Variants in ANKRD27 observed in about 807,000 individuals in gnomAD.
The protein encoded by ANKRD27 is ankyrin repeat domain 27.
Under a neutral mutation model 129.7 loss-of-function variants are expected in ANKRD27, and 112 were observed. The ratio of observed to expected loss-of-function variants is 0.86; its 90% CI spans 0.74 to 1.01. The LOEUF (loss-of-function observed/expected upper bound fraction) is 1.01, where lower values mean the gene tolerates loss of function less well. ANKRD27 is among the 50% of genes least tolerant of loss of function. The probability of loss-of-function intolerance (pLI) is 0.00; values close to 1 mark genes in which losing one functional copy is unlikely to be tolerated. For synonymous variants in ANKRD27, 516 were observed against 511.2 expected, an observed-to-expected ratio of 1.01 and a Z score of -0.13; for missense variants, 1,258 against 1,300.5, an observed-to-expected ratio of 0.97 and a Z score of 0.50.
intron 3 of ANKRD27, among the ~76,000 whole-genome samples, chr19:32,648,711 A>G (rs1328824405): frequency 6.6e-6 from 1 of 151,868 alleles, no homozygotes; most frequent in Non-Finnish European, 1.5e-5. Flanking sequence ...GAGGCAGGAG[A>G]ATGGCGTGAA....
intron 22 of ANKRD27, among the ~76,000 whole-genome samples, chr19:32,610,483 T>TAAAA: frequency 9.3e-6 from 1 of 107,460 alleles, no homozygotes; most frequent in African/African-American, 3.7e-5. Flanking sequence ...AGACCGTCTC[T>TAAAA]AAAAAAAAAA....
chr19:32,626,615 AGGGGTGC>A, intron 16 of ANKRD27, 90 bp downstream of exon 16: 2 of 869,620 alleles, frequency 2.3e-6, no homozygotes, highest in Non-Finnish European at 3.5e-6. Context: ...ACCAGGAGAC[AGGGGTGC>A]AGGGTAGCCA....
At chr19:32,630,890 C>T (rs890603707) in intron 13 of ANKRD27, among the ~76,000 whole-genome samples, 1 of 152,160 alleles carries the variant, frequency 6.6e-6, no homozygotes, top group Admixed American at 6.6e-5. Context: ...CTTCGGCCTC[C>T]CAAAGTGCTG....
intron 2 of ANKRD27, among the ~76,000 whole-genome samples, chr19:32,651,049 G>A (rs1423006969): frequency 6.6e-6 from 1 of 151,922 alleles, no homozygotes; most frequent in Admixed American, 6.6e-5. Flanking sequence ...CTGGTCCATT[G>A]TATTATTCTT....
At chr19:32,631,712 G>A (rs1468047542) in intron 12 of ANKRD27, among the ~76,000 whole-genome samples, 1 of 152,238 alleles carries the variant, frequency 6.6e-6, no homozygotes, top group Non-Finnish European at 1.5e-5. Flanking sequence ...CCCTGTGGGG[G>A]ATGGGGATGG....
At chr19:32,617,755 T>TTA in intron 20 of ANKRD27, 122 bp from the exon 21 acceptor site, 2 of 281,994 alleles carry the variant, frequency 7.1e-6, no homozygotes, top group Non-Finnish European at 1.3e-5. Context: ...CTGATTTAGT[T>TTA]TTTTTTTTTT....
At chr19:32,609,905 G>C (rs1971808809) in intron 22 of ANKRD27, among the ~76,000 whole-genome samples, 2 of 152,082 alleles carry the variant, frequency 1.3e-5, no homozygotes, top group South Asian at 4.1e-4. Flanking sequence ...ACCGGGTGTG[G>C]TGGCTCACGC....
chr19:32,637,292 A>C (rs1041995972), intron 12 of ANKRD27: 6 of 152,154 alleles, frequency 3.9e-5, no homozygotes, highest in African/African-American at 1.2e-4. Context: ...AGATCTTTTC[A>C]TTTTATAGAT....
At chr19:32,619,827 C>T (rs1599743722) in intron 18 of ANKRD27, among the ~76,000 whole-genome samples, 1 of 152,128 alleles carries the variant, frequency 6.6e-6, no homozygotes, top group African/African-American at 2.4e-5. Context: ...CACGCATGGA[C>T]GCAAGGGATA....
In ANKRD27 at chr19:32,656,103, G is replaced by GAAAAGAAAAGAAAAGA. The variant is rs1555747135; in HGVS notation, c.102+2810_102+2811insTCTTTTCTTTTCTTTT. Among the ~76,000 whole-genome samples, 211 of 123,692 alleles carry GAAAAGAAAAGAAAAGA rather than the reference G, an allele frequency of 1.7e-3. 2 individuals carry two copies. The highest frequency in any genetic ancestry group is 6.3e-3 in the African/African-American group (186 of 29,568). The allele number at this position is 123,692 out of a possible 152,430, so 81.1% of individuals were successfully genotyped here. A position where few individuals can be genotyped will look rare whatever the true frequency, so the allele number is the denominator to read the frequency against. ...AGAAAGAAAGAAAGAAAGAAAGAAA[G>GAAAAGAAAAGAAAAGA]AAAGAAAAGAAAAGAAAAGAAAAGA... On this transcript the variant is annotated intron_variant, in intron 2 of 28. Transcript: ENST00000306065.
At chr19:32,661,358 A>G (rs752412987) in intron 1 of ANKRD27, among the ~76,000 whole-genome samples, 2 of 152,046 alleles carry the variant, frequency 1.3e-5, no homozygotes, top group Non-Finnish European at 2.9e-5. Context: ...AGGGTTTCAC[A>G]CTGTCGCCCA....
chr19:32,604,006 G>C (rs1021638103), intron 25 of ANKRD27, among the ~76,000 whole-genome samples: 6 of 151,742 alleles, frequency 4.0e-5, no homozygotes, highest in South Asian at 2.1e-4. Context: ...GCTAGCTGAG[G>C]GGGGGGCCCC....
chr19:32,643,103 G>A lies in ANKRD27; in HGVS notation c.782+20C>T, dbSNP rs369068763. The A allele has an allele frequency of 7.1e-5, 115 of 1,612,182 alleles. No individual in the cohort carries two copies. The African/African-American group carries it at 1.1e-3, about 15-fold the overall frequency. On this transcript the variant is annotated intron_variant, in intron 9 of 28. Coordinates refer to ENST00000306065, the MANE Select transcript of ANKRD27 (RefSeq NM_032139.3). Reference sequence around the variant, plus strand: ...CCCCTGCCTCTGAGGACACCAAGCCGCTGTGGCGCAAACCCTTACCTGAAC... The same window carrying A: ...CCCCTGCCTCTGAGGACACCAAGCCACTGTGGCGCAAACCCTTACCTGAAC...
intron 2 of ANKRD27, among the ~76,000 whole-genome samples, chr19:32,652,225 C>A (rs1483617944): frequency 2.0e-5 from 3 of 152,148 alleles, no homozygotes; most frequent in Non-Finnish European, 4.4e-5. Flanking sequence ...AGGTGGGGAC[C>A]CAGAAATTTC....
chr19:32,626,204 G>T (rs1395608517), intron 16 of ANKRD27, among the ~76,000 whole-genome samples: 1 of 152,150 alleles, frequency 6.6e-6, no homozygotes, highest in Non-Finnish European at 1.5e-5. Flanking sequence ...AACTCAGCCT[G>T]TCTCCCAGGC....
chr19:32,663,785 G>T (rs559983201), intron 1 of ANKRD27, among the ~76,000 whole-genome samples: 289 of 152,220 alleles, frequency 1.9e-3, no homozygotes, highest in Middle Eastern at 6.8e-3. Flanking sequence ...GGCCGGGTGT[G>T]GTGGCTCACG....
chr19:32,601,381 G>A (rs1453140431), intron 26 of ANKRD27, among the ~76,000 whole-genome samples: 5 of 152,044 alleles, frequency 3.3e-5, no homozygotes, highest in African/African-American at 1.2e-4. Flanking sequence ...CAGATCACGA[G>A]GTCAGGAGAT....
chr19:32,642,050 A>AGCTGCACCACTTTTCGCAAGC lies in ANKRD27; in HGVS notation c.857_877dup (p.Gln292_Leu293insArgLeuArgLysValValGln), dbSNP rs754057603. 1.9e-6 allele frequency: 3 copies of AGCTGCACCACTTTTCGCAAGC among 1,610,228 alleles called. No individual in the cohort carries two copies. The South Asian group carries it at 3.3e-5, about 18-fold the overall frequency. ...TCTCTGGCTTGGAGACTGTGTAATG[A>AGCTGCACCACTTTTCGCAAGC]GCTGCACCACTTTTCGCAAGCAGAC... On this transcript the variant is annotated inframe_insertion, in exon 10 of 29. Coordinates refer to ENST00000306065, the MANE Select transcript of ANKRD27 (RefSeq NM_032139.3).
At position 32,628,065 on chromosome 19, in the gene ANKRD27, C is replaced by T. The variant is rs939512028; in HGVS notation, c.1420+18G>A. On this transcript the variant is annotated intron_variant, in intron 15 of 28. Coordinates refer to ENST00000306065, the MANE Select transcript of ANKRD27 (RefSeq NM_032139.3). Reference sequence around the variant, plus strand: ...CTTTGCTGTGACAGCCCCTAGGGGCCAGCCCAGGACCACATACCACAGACA... The same window carrying T: ...CTTTGCTGTGACAGCCCCTAGGGGCTAGCCCAGGACCACATACCACAGACA... 2 of 1,612,392 alleles carry T rather than the reference C, an allele frequency of 1.2e-6. No individual in the cohort carries two copies. The highest frequency in any genetic ancestry group is 1.3e-5 in the African/African-American group (1 of 74,894).
Sources: allele counts gnomAD v4.1 joint callset (sites outside exome capture counted in the v4.1 genomes callset), GRCh38; gene constraint gnomAD v4.1.1; transcripts MANE v1.5; gene names NCBI Gene and HGNC (gene_info 2026-07-23, HGNC 2026-07-21).